MAF: variants seen among roughly 807,000 people sequenced by gnomAD.
MAF encodes the protein MAF bZIP transcription factor.
In MAF, 10 loss-of-function variants were observed where a neutral mutation model predicts 22.0. The ratio of observed to expected loss-of-function variants is 0.45; its 90% CI spans 0.28 to 0.77. The LOEUF (loss-of-function observed/expected upper bound fraction) is 0.77. Among genes scored for constraint, MAF ranks in the 30% least tolerant of loss-of-function variants. MAF has a pLI of 0.12. For missense variants in MAF, 544 were observed against 548.4 expected, an observed-to-expected ratio of 0.99 and a Z score of 0.08; for synonymous variants, 337 against 255.8, an observed-to-expected ratio of 1.32 and a Z score of -3.03.
chr16:79,267,740 G>C, the MAF span, among the ~76,000 whole-genome samples: 2 of 152,202 alleles, frequency 1.3e-5, no homozygotes, highest in African/African-American at 2.4e-5. Flanking sequence ...GGTGTTGTCA[G>C]GAGTAAGGGG....
chr16:79,542,509 C>A, the MAF span, among the ~76,000 whole-genome samples: 3 of 152,208 alleles, frequency 2.0e-5, no homozygotes, highest in Non-Finnish European at 4.4e-5. Context: ...AGCCACCCCC[C>A]AGACATCTCT....
chr16:79,266,972 C>T, the MAF span, among the ~76,000 whole-genome samples: 1 of 152,186 alleles, frequency 6.6e-6, no homozygotes, highest in African/African-American at 2.4e-5. Context: ...GCATGGAGCA[C>T]ATGGCAGCTC....
the MAF span, among the ~76,000 whole-genome samples, chr16:79,564,353 G>A: frequency 2.6e-5 from 4 of 152,214 alleles, no homozygotes; most frequent in African/African-American, 9.6e-5. Context: ...AAGGAAAGAA[G>A]AATTATGGGG....
the MAF span, among the ~76,000 whole-genome samples, chr16:79,437,818 A>C: frequency 2.0e-5 from 3 of 152,170 alleles, no homozygotes; most frequent in Non-Finnish European, 4.4e-5. Context: ...CCCTCACAAC[A>C]GAAACTTCTG....
the MAF span, among the ~76,000 whole-genome samples, chr16:79,474,338 A>T: frequency 0.37 from 55,685 of 152,052 alleles, 11,804 homozygotes; most frequent in Middle Eastern, 0.49. Flanking sequence ...TCTCCCCTGC[A>T]AAGGGCAGAA....
chr16:79,441,220 A>G, the MAF span, among the ~76,000 whole-genome samples: 1 of 152,198 alleles, frequency 6.6e-6, no homozygotes, highest in Non-Finnish European at 1.5e-5. Context: ...TGAACCACAG[A>G]TTTCTGCTTT....
chr16:79,369,311 G>T, the MAF span, among the ~76,000 whole-genome samples: 7 of 152,136 alleles, frequency 4.6e-5, no homozygotes, highest in African/African-American at 1.4e-4. Flanking sequence ...ATCCCTGTCC[G>T]CAAGGAACTC....
At chr16:79,435,856 C>T in the MAF span, among the ~76,000 whole-genome samples, 1 of 152,170 alleles carries the variant, frequency 6.6e-6, no homozygotes. Context: ...TCTCCAGGGA[C>T]TCAGAGAGGA....
At chr16:79,269,710 G>T in the MAF span, among the ~76,000 whole-genome samples, 2 of 152,110 alleles carry the variant, frequency 1.3e-5, no homozygotes, top group African/African-American at 4.8e-5. Context: ...CAAGGTCGGG[G>T]GCTGTCCCTG....
the MAF span, among the ~76,000 whole-genome samples, chr16:79,463,971 C>A: frequency 2.3e-4 from 33 of 145,682 alleles, no homozygotes; most frequent in African/African-American, 2.0e-4. Context: ...CTGAGGCTTG[C>A]AAAAAAAAAA....
At chr16:79,378,247 A>G in the MAF span, among the ~76,000 whole-genome samples, 2 of 152,226 alleles carry the variant, frequency 1.3e-5, no homozygotes, top group African/African-American at 2.4e-5. Context: ...AAGTCCATCA[A>G]GCGTACAATG....
At chr16:79,387,483 T>A in the MAF span, among the ~76,000 whole-genome samples, 22 of 152,192 alleles carry the variant, frequency 1.4e-4, no homozygotes, top group Non-Finnish European at 2.9e-4. Context: ...ATTAGTGTCA[T>A]CTTGGTATTA....
chr16:79,340,669 T>C, the MAF span, among the ~76,000 whole-genome samples: 4,722 of 151,976 alleles, frequency 0.031, 96 homozygotes, highest in African/African-American at 0.044. Flanking sequence ...TGGAAAGTGA[T>C]AGGGAGACAT....
the MAF span, among the ~76,000 whole-genome samples, chr16:79,385,765 G>C: frequency 6.6e-6 from 1 of 152,152 alleles, no homozygotes; most frequent in African/African-American, 2.4e-5. Flanking sequence ...GCTGGGTGTG[G>C]TAGTACACGC....
At chr16:79,536,878 G>C in the MAF span, among the ~76,000 whole-genome samples, 1 of 152,162 alleles carries the variant, frequency 6.6e-6, no homozygotes, top group East Asian at 1.9e-4. Flanking sequence ...TTAAGTAAGA[G>C]ACTTGACCAT....
At chr16:79,416,335 C>T in the MAF span, among the ~76,000 whole-genome samples, 1 of 152,138 alleles carries the variant, frequency 6.6e-6, no homozygotes, top group Non-Finnish European at 1.5e-5. Context: ...GTCTCTGTGA[C>T]AAGCTCCATG....
the MAF span, among the ~76,000 whole-genome samples, chr16:79,492,045 C>G: frequency 1.3e-5 from 2 of 152,088 alleles, no homozygotes; most frequent in Admixed American, 1.3e-4. Context: ...AATATTTTCC[C>G]CCAAGACCAT....
At chr16:79,592,153 G>C (rs1028203786), downstream of MAF, among the ~76,000 whole-genome samples, 2 of 152,198 alleles carry the variant, frequency 1.3e-5, no homozygotes, top group Non-Finnish European at 2.9e-5. Flanking sequence ...GCAGGGAACA[G>C]GGAGCCCGAG....
chr16:79,496,465 G>C, the MAF span, among the ~76,000 whole-genome samples: 1 of 152,264 alleles, frequency 6.6e-6, no homozygotes, highest in Admixed American at 6.5e-5. Flanking sequence ...TTCTTTTACT[G>C]TACTTTATTA....
Sources: allele counts gnomAD v4.1 joint callset (sites outside exome capture counted in the v4.1 genomes callset), GRCh38; gene constraint gnomAD v4.1.1; transcripts MANE v1.5; gene names NCBI Gene and HGNC (gene_info 2026-07-23, HGNC 2026-07-21).